GRID2: variants seen among roughly 807,000 people sequenced by gnomAD.
GRID2 encodes the protein glutamate receptor ionotropic, delta-2.
GRID2 carries 33 observed loss-of-function variants against 114.8 expected under a neutral mutation model. The observed-to-expected ratio is 0.29, with a 90% CI of 0.22 to 0.38. The LOEUF (loss-of-function observed/expected upper bound fraction) is 0.38, where lower values mean the gene tolerates loss of function less well. Among genes scored for constraint, GRID2 ranks in the 10% least tolerant of loss-of-function variants. The probability of loss-of-function intolerance (pLI) is 1.00; values close to 1 mark genes in which losing one functional copy is unlikely to be tolerated. For synonymous variants in GRID2, 505 were observed against 449.9 expected (o/e 1.12, Z -1.55); for missense variants, 1,184 against 1,257.7 (o/e 0.94, Z 0.89).
intron 2 of GRID2, among the ~76,000 whole-genome samples, chr4:93,010,673 T>A (rs1722041258): frequency 6.6e-6 from 1 of 152,226 alleles, no homozygotes; most frequent in Non-Finnish European, 1.5e-5. Context: ...TTTTTTCCTT[T>A]GTAAGTAATT....
intron 6 of GRID2, among the ~76,000 whole-genome samples, chr4:93,219,234 C>G (rs1402350410): frequency 6.6e-6 from 1 of 152,060 alleles, no homozygotes; most frequent in Non-Finnish European, 1.5e-5. Context: ...AAATGAAATA[C>G]AAACTTAAGA....
chr4:92,988,778 A>G (rs1212286698), intron 2 of GRID2, among the ~76,000 whole-genome samples: 1 of 152,224 alleles, frequency 6.6e-6, no homozygotes, highest in Non-Finnish European at 1.5e-5. Flanking sequence ...GATAAATAGC[A>G]TAATTGTGGA....
chr4:92,755,028 C>T (rs1042533082), intron 2 of GRID2, among the ~76,000 whole-genome samples: 1 of 152,068 alleles, frequency 6.6e-6, no homozygotes, highest in Non-Finnish European at 1.5e-5. Flanking sequence ...AACTGCAATT[C>T]CCCTACAAAG....
At chr4:93,150,723 C>T (rs1485806854) in intron 4 of GRID2, among the ~76,000 whole-genome samples, 1 of 152,042 alleles carries the variant, frequency 6.6e-6, no homozygotes, top group African/African-American at 2.4e-5. Flanking sequence ...GAAATCCCTG[C>T]AAGTGGTAGC....
At chr4:93,296,965 AT>A (rs1376104617) in intron 8 of GRID2, among the ~76,000 whole-genome samples, 14 of 152,218 alleles carry the variant, frequency 9.2e-5, no homozygotes, top group African/African-American at 3.4e-4. Context: ...TTACTTTACT[AT>A]TACATTCTTT....
chr4:93,326,967 A>C (rs1000327898), intron 8 of GRID2, among the ~76,000 whole-genome samples: 1 of 152,266 alleles, frequency 6.6e-6, no homozygotes, highest in East Asian at 1.9e-4. Context: ...ACTATGTCTT[A>C]AGGACATTTT....
chr4:92,383,754 C>A (rs1560598242), intron 1 of GRID2, among the ~76,000 whole-genome samples: 1 of 151,934 alleles, frequency 6.6e-6, no homozygotes, highest in Non-Finnish European at 1.5e-5. Context: ...TCAAGCTTCA[C>A]TATAAAGTGT....
chr4:93,395,681 A>C lies in GRID2; in HGVS notation c.1320A>C (p.Gly440=), dbSNP rs1222500279. The change falls in exon 9 of 16, where the codon GGA becomes GGC. Residue 440 remains glycine, a synonymous_variant. Transcript: ENST00000282020. ...AGAAATTGGAGAATAACATGCGTGG[A>C]GTGGTTCTACGTGTAGTAACTGTTC... ...TDKKLENNMR[G]VVLRVVTVLE... is the part of the protein sequence containing the mutation. 2 of 1,560,270 alleles carry C rather than the reference A, an allele frequency of 1.3e-6. No individual in the cohort carries two copies. Among genetic ancestry groups the C allele is most frequent in the African/African-American group, 2.7e-5 (2 of 73,674 alleles).
intron 2 of GRID2, among the ~76,000 whole-genome samples, chr4:92,725,650 A>G (rs1035163572): frequency 3.3e-5 from 5 of 152,142 alleles, no homozygotes; most frequent in Admixed American, 6.6e-5. Flanking sequence ...CGTATCGTCT[A>G]AGGTGCCATA....
At chr4:93,374,634 C>T (rs1763213819) in intron 8 of GRID2, among the ~76,000 whole-genome samples, 2 of 152,096 alleles carry the variant, frequency 1.3e-5, no homozygotes, top group Non-Finnish European at 2.9e-5. Context: ...GAGCTCTCCT[C>T]CAAATGCATC....
intron 1 of GRID2, among the ~76,000 whole-genome samples, chr4:92,390,673 C>T (rs1730197919): frequency 6.6e-6 from 1 of 152,000 alleles, no homozygotes; most frequent in Non-Finnish European, 1.5e-5. Context: ...GATACTTTCC[C>T]CTCCACTTTG....
chr4:93,393,525 G>T (rs965552671), intron 8 of GRID2, among the ~76,000 whole-genome samples: 1 of 152,002 alleles, frequency 6.6e-6, no homozygotes, highest in African/African-American at 2.4e-5. Context: ...TAGAAGATTA[G>T]ATATATTTAC....
intron 8 of GRID2, among the ~76,000 whole-genome samples, chr4:93,324,834 A>G (rs1176868463): frequency 5.3e-5 from 8 of 152,070 alleles, no homozygotes; most frequent in African/African-American, 1.7e-4. Context: ...AGAGGTGTTT[A>G]TAGTATTCTC....
At chr4:93,371,055 T>C (rs569903423) in intron 8 of GRID2, among the ~76,000 whole-genome samples, 5 of 152,312 alleles carry the variant, frequency 3.3e-5, no homozygotes, top group Admixed American at 3.3e-4. Context: ...GAAAGATGCA[T>C]TGAATCGTTT....
intron 14 of GRID2, among the ~76,000 whole-genome samples, chr4:93,669,279 A>ATC (rs1724200925): frequency 6.6e-6 from 1 of 152,082 alleles, no homozygotes; most frequent in Admixed American, 6.6e-5. Flanking sequence ...GTACCTTATA[A>ATC]TCATGCATAG....
In GRID2 at chr4:92,373,707, T is replaced by C. The variant is rs373761045; in HGVS notation, c.88+68963T>C. ...AATACATCCTAATTATTAGTACTACTCATACAAATTGAATTATAACTAATA... is the reference window on the plus strand; with the variant it reads ...AATACATCCTAATTATTAGTACTACCCATACAAATTGAATTATAACTAATA... On this transcript the variant is annotated intron_variant, in intron 1 of 15. Transcript: ENST00000282020. Among the ~76,000 whole-genome samples, 12 of 152,306 alleles carry C rather than the reference T, an allele frequency of 7.9e-5. No individual in the cohort carries two copies. The East Asian group carries it at 2.1e-3, about 27-fold the overall frequency.
At chr4:92,469,975 T>C (rs937085701) in intron 1 of GRID2, among the ~76,000 whole-genome samples, 2 of 151,986 alleles carry the variant, frequency 1.3e-5, no homozygotes, top group African/African-American at 4.8e-5. Context: ...TAATGATTTC[T>C]TGTAGTCTAT....
At chr4:93,362,700 G>A (rs1240043313) in intron 8 of GRID2, among the ~76,000 whole-genome samples, 3 of 152,178 alleles carry the variant, frequency 2.0e-5, no homozygotes, top group East Asian at 3.9e-4. Context: ...GCACCACTGA[G>A]AGAAGTTTTC....
chr4:93,569,497 C>T (rs1417860919), intron 13 of GRID2, among the ~76,000 whole-genome samples: 1 of 152,116 alleles, frequency 6.6e-6, no homozygotes, highest in Admixed American at 6.5e-5. Flanking sequence ...ATGCAATTGC[C>T]TTTTGACAAC....
Sources: allele counts gnomAD v4.1 joint callset (sites outside exome capture counted in the v4.1 genomes callset), GRCh38; gene constraint gnomAD v4.1.1; transcripts MANE v1.5; gene names NCBI Gene and HGNC (gene_info 2026-07-23, HGNC 2026-07-21).